The following KIFBP variants were observed in gnomAD, a reference collection of about 807,000 sequenced individuals.
The protein encoded by KIFBP is KIF-binding protein.
In KIFBP, 46 loss-of-function variants were observed where a neutral mutation model predicts 58.9. That is an observed-to-expected ratio of 0.78 (90% confidence interval 0.62 to 1.00). The LOEUF (loss-of-function observed/expected upper bound fraction) is 1.00, where lower values mean the gene tolerates loss of function less well. Ranked by LOEUF, KIFBP falls within the 50% of genes least tolerant of loss-of-function variation. The probability of loss-of-function intolerance (pLI) is 0.00; values close to 1 mark genes in which losing one functional copy is unlikely to be tolerated. For synonymous variants in KIFBP, 241 were observed against 283.4 expected (o/e 0.85, Z 1.50); for missense variants, 651 against 752.9 (o/e 0.86, Z 1.58).
rs546673858 is a variant in KIFBP, at chr10:68,991,619, T to C, written c.426+2361T>C. On this transcript the variant is annotated intron_variant, in intron 1 of 6. Coordinates refer to ENST00000361983, the MANE Select transcript of KIFBP (RefSeq NM_015634.4). ...CTAGCTGACATCCATCAAGGCTCCT[T>C]GGTCTACCTTGAGCAGGCATTCAAT... 3.4e-3 allele frequency: 1,107 copies of C among 324,240 alleles called. 1 individual carries two copies. Among genetic ancestry groups the C allele is most frequent in the Non-Finnish European group, 5.6e-3 (859 of 152,610 alleles). 20.1% of individuals were successfully genotyped at this position (324,240 alleles called of 1,614,324 possible). A position where few individuals can be genotyped will look rare whatever the true frequency, so the allele number is the denominator to read the frequency against.
Position 69,015,528 on chromosome 10 carries a change from T to A in KIFBP, c.991-13T>A, listed in dbSNP as rs770029743. On this transcript the variant is annotated splice_polypyrimidine_tract_variant and intron_variant, in intron 6 of 6. Coordinates refer to ENST00000361983, the MANE Select transcript of KIFBP (RefSeq NM_015634.4). ...TGTCCTACTTAACCATAATTTATTTTTTTTTCCTTCAGGACAACATAGGAG... is the reference window on the plus strand; with the variant it reads ...TGTCCTACTTAACCATAATTTATTTATTTTTCCTTCAGGACAACATAGGAG... 3 of 1,612,594 alleles carry A rather than the reference T, an allele frequency of 1.9e-6. No homozygotes were observed. Among genetic ancestry groups the A allele is most frequent in the East Asian group, 2.2e-5 (1 of 44,872 alleles).
At chr10:68,998,217 C>T (rs1457176075) in intron 1 of KIFBP, among the ~76,000 whole-genome samples, 3 of 152,168 alleles carry the variant, frequency 2.0e-5, no homozygotes, top group African/African-American at 7.2e-5. Flanking sequence ...TCCCAAAGTG[C>T]TGGGATTACA....
rs5785887 is a variant in KIFBP at position 69,003,044 on chromosome 10, C to CAAAA, written c.526-1986_526-1983dup. On this transcript the variant is annotated intron_variant, in intron 2 of 6. Coordinates refer to ENST00000361983, the MANE Select transcript of KIFBP (RefSeq NM_015634.4). Reference sequence around the variant, plus strand: ...GCAACAAAGCAAGAACCCGTCTTTACAAAAAAAAAAAAAAAAAAAGTTACT... The same window carrying CAAAA: ...GCAACAAAGCAAGAACCCGTCTTTACAAAAAAAAAAAAAAAAAAAAAAAGTTACT... Among the ~76,000 whole-genome samples, 176 of 105,542 alleles carry CAAAA rather than the reference C, an allele frequency of 1.7e-3. 1 individual carries two copies. The highest frequency in any genetic ancestry group is 5.9e-3 in the African/African-American group (165 of 28,006). 69.2% of individuals were successfully genotyped at this position (105,542 alleles called of 152,430 possible). A position where few individuals can be genotyped will look rare whatever the true frequency, so the allele number is the denominator to read the frequency against.
In KIFBP at chr10:68,989,000, C is replaced by G; in HGVS notation, c.168C>G (p.Asp56Glu). The G allele has an allele frequency of 6.2e-7, 1 of 1,614,182 alleles. No individual in the cohort carries two copies. The highest frequency in any genetic ancestry group is 8.5e-7 in the Non-Finnish European group (1 of 1,180,018). ...CGCTGCTCGGCCCTGCGCCTGAGGA[C>G]GAGGATGAGCGGCCTGAGGCCGAGG... The part of the protein sequence containing the change: ...VKALLGPAPE[D>E]EDERPEAEDG... The change falls in exon 1 of 7, where the codon GAC becomes GAG. Residue 56 changes from aspartate to glutamate, a missense_variant. Asp to Glu is a conservative substitution (Grantham distance 45). Transcript: ENST00000361983.
At chr10:69,008,586 G>A (rs1843561380) in intron 4 of KIFBP, among the ~76,000 whole-genome samples, 1 of 151,350 alleles carries the variant, frequency 6.6e-6, no homozygotes. Context: ...GTTGGCAGTT[G>A]TCTTTCAATC....
intron 1 of KIFBP, among the ~76,000 whole-genome samples, chr10:68,995,817 T>C (rs1843397095): frequency 6.6e-6 from 1 of 152,238 alleles, no homozygotes; most frequent in South Asian, 2.1e-4. Context: ...AGACCTTCCA[T>C]TGTAGCTTTT....
intron 2 of KIFBP, 131 bp downstream of exon 2, chr10:69,000,653 GA>G (rs1399075652): frequency 4.3e-6 from 3 of 705,656 alleles, no homozygotes; most frequent in Non-Finnish European, 7.6e-6. Context: ...AGCCATCTGG[GA>G]AGTCACCTCA....
chr10:68,988,919 G>A lies in KIFBP; in HGVS notation c.87G>A (p.Glu29=). Residue 29 remains glutamate, a synonymous_variant, in exon 1 of 7, where the codon GAG becomes GAA. Coordinates refer to ENST00000361983, the MANE Select transcript of KIFBP (RefSeq NM_015634.4). ...GGGTGGAACTGCATAAAAATCCGGA[G>A]AAGGAACCATACAAGTCCAAATACA... ...LSRVELHKNP[E]KEPYKSKYSA... is the part of the protein sequence containing the mutation. 7 of 1,614,272 alleles carry A rather than the reference G, an allele frequency of 4.3e-6. No individual in the cohort carries two copies. Among genetic ancestry groups the A allele is most frequent in the Non-Finnish European group, 5.9e-6 (7 of 1,180,050 alleles).
intron 6 of KIFBP, among the ~76,000 whole-genome samples, chr10:69,012,698 C>T (rs1843608311): frequency 6.6e-6 from 1 of 151,902 alleles, no homozygotes; most frequent in South Asian, 2.1e-4. Context: ...TTGAGACCAG[C>T]CTAGACAACA....
chr10:69,002,553 T>C (rs541673524), intron 2 of KIFBP, among the ~76,000 whole-genome samples: 1 of 152,270 alleles, frequency 6.6e-6, no homozygotes, highest in South Asian at 2.1e-4. Flanking sequence ...TTCTTGCTTT[T>C]AGGCTCACAG....
rs555682236 is a variant in KIFBP at position 68,989,999 on chromosome 10, C to G, written c.426+741C>G. On this transcript the variant is annotated intron_variant, in intron 1 of 6. Coordinates refer to ENST00000361983, the MANE Select transcript of KIFBP (RefSeq NM_015634.4). ...CAGGCCTGAGCCGCTGTGCCTGGCT[C>G]GGAATACATTCTTAATTCAAAATAA... The G allele has an allele frequency of 2.6e-5, 4 of 152,296 alleles. No individual in the cohort carries two copies. In the South Asian group the frequency reaches 8.3e-4, roughly 32 times the overall value. The allele number at this position is 152,296 out of a possible 1,614,324, so 9.4% of individuals were successfully genotyped here. A position where few individuals can be genotyped will look rare whatever the true frequency, so the allele number is the denominator to read the frequency against.
rs899368863 is a variant in KIFBP at position 69,004,820 on chromosome 10, C to T, written c.526-226C>T. The stretch of plus-strand genomic sequence containing the variant: ...TCGGGAGACGGAGGTTACAGTAAGC[C>T]GAGATTGTGCCACTCCACTCCAGCC... On this transcript the variant is annotated intron_variant, in intron 2 of 6. Coordinates refer to ENST00000361983, the MANE Select transcript of KIFBP (RefSeq NM_015634.4). Among the ~76,000 whole-genome samples, 3 of 152,098 alleles carry T rather than the reference C, an allele frequency of 2.0e-5. No homozygotes were observed. The South Asian group carries it at 6.2e-4, about 32-fold the overall frequency.
At chr10:68,993,385 A>G (rs1416584232) in intron 1 of KIFBP, among the ~76,000 whole-genome samples, 1 of 152,154 alleles carries the variant, frequency 6.6e-6, no homozygotes, top group African/African-American at 2.4e-5. Context: ...CTTGTGGGTT[A>G]GTAATTTCTG....
chr10:69,006,676 G>A (rs1378029547), intron 4 of KIFBP, among the ~76,000 whole-genome samples: 5 of 151,740 alleles, frequency 3.3e-5, no homozygotes, highest in Non-Finnish European at 7.4e-5. Context: ...TTTATATTTC[G>A]AATTCGCAAG....
At position 69,005,741 on chromosome 10, in the gene KIFBP, G is replaced by C; in HGVS notation, c.615G>C (p.Lys205Asn). ...TEQERSKRFEKVYTHNLYYLA... is the reference protein window; with the variant it reads ...TEQERSKRFENVYTHNLYYLA... Reference sequence around the variant, plus strand: ...TATTTTTTCTTTACAGATTTGAAAAGGTTTATACTCATAACCTATATTACC... The same window carrying C: ...TATTTTTTCTTTACAGATTTGAAAACGTTTATACTCATAACCTATATTACC... Residue 205 changes from lysine (K) to asparagine (N), a missense_variant, in exon 4 of 7, where the codon AAG becomes AAC. Coordinates refer to ENST00000361983, the MANE Select transcript of KIFBP (RefSeq NM_015634.4). The C allele has an allele frequency of 6.2e-7, 1 of 1,607,386 alleles. No homozygotes were observed. Among genetic ancestry groups the C allele is most frequent in the Non-Finnish European group, 8.5e-7 (1 of 1,174,242 alleles).
intron 2 of KIFBP, among the ~76,000 whole-genome samples, chr10:69,002,271 TGCCTCA>T (rs1843475129): frequency 6.6e-6 from 1 of 151,892 alleles, no homozygotes; most frequent in South Asian, 2.1e-4. Context: ...GTAATTCTCC[TGCCTCA>T]GCCTCCCAAG....
At chr10:69,002,221 G>A (rs1405645920) in intron 2 of KIFBP, among the ~76,000 whole-genome samples, 2 of 151,412 alleles carry the variant, frequency 1.3e-5, no homozygotes, top group Non-Finnish European at 2.9e-5. Flanking sequence ...GTGCAGTGGC[G>A]TGATCTCGGC....
intron 2 of KIFBP, 69 bp from the exon 3 acceptor site, chr10:69,004,977 C>G (rs1000108097): frequency 2.8e-6 from 3 of 1,054,258 alleles, no homozygotes; most frequent in Non-Finnish European, 4.4e-6. Flanking sequence ...TTCTCCAGGT[C>G]CTCCAGAAGA....
intron 2 of KIFBP, 25 bp from the exon 3 acceptor site, chr10:69,005,021 G>A: frequency 1.3e-6 from 2 of 1,580,630 alleles, no homozygotes; most frequent in Non-Finnish European, 1.7e-6. Flanking sequence ...AAACTTTAAA[G>A]AGCTTTTGTT....
Sources: allele counts gnomAD v4.1 joint callset (sites outside exome capture counted in the v4.1 genomes callset), GRCh38; gene constraint gnomAD v4.1.1; transcripts MANE v1.5; gene names NCBI Gene and HGNC (gene_info 2026-07-23, HGNC 2026-07-21).